The following CYFIP2 variants were observed in gnomAD, a reference collection of about 807,000 sequenced individuals.
CYFIP2 encodes cytoplasmic FMR1 interacting protein 2.
In CYFIP2, 29 loss-of-function variants were observed where a neutral mutation model predicts 158.7. That is an observed-to-expected ratio of 0.18 (90% CI 0.14 to 0.25). The LOEUF (loss-of-function observed/expected upper bound fraction) is 0.25. CYFIP2 is among the 10% of genes least tolerant of loss of function. The probability of loss-of-function intolerance (pLI) is 1.00; values close to 1 mark genes in which losing one functional copy is unlikely to be tolerated. For synonymous variants in CYFIP2, 585 were observed against 617.6 expected, an observed-to-expected ratio of 0.95 and a Z score of 0.78; for missense variants, 852 against 1,639.5, an observed-to-expected ratio of 0.52 and a Z score of 8.29.
chr5:157,316,930 C>T (rs1760194451), intron 13 of CYFIP2, among the ~76,000 whole-genome samples: 1 of 152,144 alleles, frequency 6.6e-6, no homozygotes. Context: ...TCCTGAGTGG[C>T]TCCAGACCCC....
intron 26 of CYFIP2, chr5:157,362,728 T>TA (rs1463950795): frequency 6.6e-6 from 1 of 152,314 alleles, no homozygotes; most frequent in Non-Finnish European, 1.5e-5. Context: ...TGTCTACTGT[T>TA]ACAGCAAGAG....
At chr5:157,340,927 C>A in intron 22 of CYFIP2, 143 bp from the exon 23 acceptor site, 1 of 714,304 alleles carries the variant, frequency 1.4e-6, no homozygotes, top group Non-Finnish European at 2.5e-6. Flanking sequence ...AGTTTAGTAC[C>A]TTTATAGTCA....
At position 157,311,423 on chromosome 5, in the gene CYFIP2, G is replaced by A. The variant is rs1759711530; in HGVS notation, c.993-241G>A. Reference sequence around the variant, plus strand: ...GTATTATGGACCAGGTATCTGGAAAGGCCTACAGTTGGATCCTAGATGAGG... The same window carrying A: ...GTATTATGGACCAGGTATCTGGAAAAGCCTACAGTTGGATCCTAGATGAGG... On this transcript the variant is annotated intron_variant, in intron 10 of 30. Coordinates refer to ENST00000620254, the MANE Select transcript of CYFIP2 (RefSeq NM_001037333.3). The surrounding 1 kb of genome is among the most constrained non-coding windows in gnomAD (Gnocchi z 4.7). 1.8e-6 allele frequency: 1 copy of A among 549,518 alleles called. No homozygotes were observed. The highest frequency in any genetic ancestry group is 1.9e-5 in the African/African-American group (1 of 52,816). 34.0% of individuals were successfully genotyped at this position (549,518 alleles called of 1,614,324 possible). A position where few individuals can be genotyped will look rare whatever the true frequency, so the allele number is the denominator to read the frequency against.
At chr5:157,305,734 T>C (rs1300930058) in intron 8 of CYFIP2, among the ~76,000 whole-genome samples, 1 of 152,206 alleles carries the variant, frequency 6.6e-6, no homozygotes, top group Admixed American at 6.5e-5. Flanking sequence ...AGGCTGGTCT[T>C]GAACTCCTGG....
chr5:157,323,002 G>A, intron 15 of CYFIP2: 1 of 1,536,068 alleles, frequency 6.5e-7, no homozygotes, highest in Non-Finnish European at 8.7e-7. Flanking sequence ...GGGCCGAAGA[G>A]GCTGCCGATC....
At chr5:157,368,906 T>TTG (rs1488890480) in intron 26 of CYFIP2, among the ~76,000 whole-genome samples, 10 of 151,138 alleles carry the variant, frequency 6.6e-5, no homozygotes, top group African/African-American at 1.9e-4. Flanking sequence ...TTTTTTGTTT[T>TTG]TTTTTTTTTT....
intron 3 of CYFIP2, chr5:157,288,475 T>C (rs1156997760): frequency 5.1e-6 from 2 of 392,302 alleles, no homozygotes; most frequent in Non-Finnish European, 1.0e-5. Context: ...CAATAAGTAT[T>C]GTGTGGCTGG....
At chr5:157,353,104 A>C (rs1763180805) in intron 23 of CYFIP2, among the ~76,000 whole-genome samples, 2 of 152,210 alleles carry the variant, frequency 1.3e-5, no homozygotes, top group Admixed American at 1.3e-4. Context: ...CTGAGAGAAT[A>C]CATTGCTGTT....
At chr5:157,306,021 T>C (rs891894398) in intron 8 of CYFIP2, among the ~76,000 whole-genome samples, 1 of 152,254 alleles carries the variant, frequency 6.6e-6, no homozygotes, top group Non-Finnish European at 1.5e-5. Flanking sequence ...CTCTAACTTA[T>C]GCCCCACAGC....
chr5:157,348,504 C>T (rs529811139), intron 23 of CYFIP2, among the ~76,000 whole-genome samples: 33 of 152,298 alleles, frequency 2.2e-4, no homozygotes, highest in African/African-American at 7.2e-4. Flanking sequence ...CTCTGCCTCC[C>T]GGGTTCCAGT....
At chr5:157,323,078 C>G in intron 15 of CYFIP2, 1 of 1,440,098 alleles carries the variant, frequency 6.9e-7, no homozygotes, top group Non-Finnish European at 9.4e-7. Context: ...CAGGAATGGA[C>G]TAGCCTGGCT....
chr5:157,388,204 G>C (rs1229920782), intron 28 of CYFIP2, among the ~76,000 whole-genome samples: 1 of 152,168 alleles, frequency 6.6e-6, no homozygotes, highest in Admixed American at 6.5e-5. Flanking sequence ...TTACTTTGCA[G>C]ATAGCTTTCA....
chr5:157,360,252 G>A (rs369668572), intron 24 of CYFIP2, 30 bp from the exon 25 acceptor site: 6 of 1,589,618 alleles, frequency 3.8e-6, no homozygotes, highest in Non-Finnish European at 5.2e-6. Context: ...CCAGAATTCA[G>A]CCCACTCATC....
intron 18 of CYFIP2, among the ~76,000 whole-genome samples, chr5:157,327,362 C>T (rs1218434621): frequency 2.0e-5 from 3 of 152,002 alleles, no homozygotes; most frequent in Admixed American, 6.6e-5. Flanking sequence ...GTCAGAAGTT[C>T]GAGACCAACC....
At chr5:157,307,041 A>C (rs912179346) in intron 8 of CYFIP2, among the ~76,000 whole-genome samples, 1 of 152,212 alleles carries the variant, frequency 6.6e-6, no homozygotes, top group Non-Finnish European at 1.5e-5. Flanking sequence ...CCCCTTCTGC[A>C]TACATGTTAA....
intron 1 of CYFIP2, chr5:157,269,352 G>C (rs951335132): frequency 3.9e-5 from 6 of 152,118 alleles, no homozygotes; most frequent in African/African-American, 1.4e-4. Context: ...GTAGAGTTAA[G>C]GAAGGGCCTC....
At position 157,370,374 on chromosome 5, in the gene CYFIP2, A is replaced by C. The variant is rs906972215; in HGVS notation, c.3039+8776A>C. On this transcript the variant is annotated intron_variant, in intron 26 of 30. Coordinates refer to ENST00000620254, the MANE Select transcript of CYFIP2 (RefSeq NM_001037333.3). ...ATCTTTTTACTGAAACTTAATTTTA[A>C]AAGGAAACTATCACTTCCATTTAAA... is the stretch of plus-strand genomic sequence containing the variant. 3.9e-5 allele frequency among the ~76,000 whole-genome samples: 6 copies of C among 152,336 alleles called. 1 individual carries two copies. Among genetic ancestry groups the C allele is most frequent in the Admixed American group, 1.3e-4 (2 of 15,308 alleles).
intron 26 of CYFIP2, among the ~76,000 whole-genome samples, chr5:157,373,703 A>C (rs1765204880): frequency 1.3e-5 from 2 of 152,226 alleles, no homozygotes; most frequent in Non-Finnish European, 2.9e-5. Flanking sequence ...ATAAAAATAG[A>C]TTACAGAAGA....
Position 157,393,837 on chromosome 5 carries a change from AC to A in CYFIP2, c.*838del, listed in dbSNP as rs1767542133. The A allele has an allele frequency of 6.6e-6, 1 of 152,224 alleles. No homozygotes were observed. Among genetic ancestry groups the A allele is most frequent in the Non-Finnish European group, 1.5e-5 (1 of 68,042 alleles). The allele number at this position is 152,224 out of a possible 1,614,324, so 9.4% of individuals were successfully genotyped here. A position where few individuals can be genotyped will look rare whatever the true frequency, so the allele number is the denominator to read the frequency against. ...CAGCTTTGAACAAATCAGTCATAGCACTGCCTATAGCATTAGCCAGTGACCA... is the reference window on the plus strand; with the variant it reads ...CAGCTTTGAACAAATCAGTCATAGCATGCCTATAGCATTAGCCAGTGACCA... On this transcript the variant is annotated 3_prime_UTR_variant, in exon 31 of 31. Transcript: ENST00000620254.
Sources: allele counts gnomAD v4.1 joint callset (sites outside exome capture counted in the v4.1 genomes callset), GRCh38; gene constraint gnomAD v4.1.1; non-coding constraint Gnocchi (gnomAD v3.1); transcripts MANE v1.5; gene names NCBI Gene and HGNC (gene_info 2026-07-23, HGNC 2026-07-21).